The following CEP128 variants were observed in gnomAD, a reference collection of about 807,000 sequenced individuals.
CEP128 encodes the protein centrosomal protein 128, also known as centrosomal protein 128kDa.
Under a neutral mutation model 156.7 loss-of-function variants are expected in CEP128, and 132 were observed. The ratio of observed to expected loss-of-function variants is 0.84; its 90% CI spans 0.73 to 0.97. The LOEUF (loss-of-function observed/expected upper bound fraction) is 0.97. Among genes scored for constraint, CEP128 ranks in the 50% least tolerant of loss-of-function variants. The probability of loss-of-function intolerance (pLI) is 0.00; values close to 1 mark genes in which losing one functional copy is unlikely to be tolerated. For missense variants in CEP128, 1,252 were observed against 1,281.9 expected, an observed-to-expected ratio of 0.98 and a Z score of 0.36; for synonymous variants, 469 against 448.9, an observed-to-expected ratio of 1.04 and a Z score of -0.57.
intron 1 of CEP128, among the ~76,000 whole-genome samples, chr14:80,958,512 C>T (rs988904359): frequency 3.3e-5 from 5 of 151,972 alleles, no homozygotes; most frequent in South Asian, 2.1e-4. Flanking sequence ...CTGATAACCT[C>T]GGGGGCTATT....
intron 19 of CEP128, among the ~76,000 whole-genome samples, chr14:80,603,228 A>C (rs1305254355): frequency 1.3e-5 from 2 of 152,180 alleles, no homozygotes; most frequent in Non-Finnish European, 2.9e-5. Flanking sequence ...CAAATGATGA[A>C]TAGATAAACA....
intron 19 of CEP128, among the ~76,000 whole-genome samples, chr14:80,605,225 T>C (rs1892730300): frequency 6.6e-6 from 1 of 152,134 alleles, no homozygotes; most frequent in African/African-American, 2.4e-5. Context: ...TGTAGGTTGC[T>C]GCATGGTCTC....
chr14:80,694,646 G>C (rs1896828064), intron 19 of CEP128, among the ~76,000 whole-genome samples: 2 of 151,896 alleles, frequency 1.3e-5, no homozygotes, highest in South Asian at 4.2e-4. Context: ...AACTAACACA[G>C]GAACAGAAAA....
At chr14:80,671,083 T>C (rs762030452) in intron 19 of CEP128, among the ~76,000 whole-genome samples, 2 of 152,142 alleles carry the variant, frequency 1.3e-5, no homozygotes, top group Non-Finnish European at 2.9e-5. Flanking sequence ...GTACAGTCAT[T>C]TGGTGAGTCT....
chr14:80,826,938 T>C (rs1346035785), intron 13 of CEP128, among the ~76,000 whole-genome samples: 1 of 152,200 alleles, frequency 6.6e-6, no homozygotes, highest in African/African-American at 2.4e-5. Context: ...CAACTTGAGT[T>C]TACAAGAAGG....
rs2139597492 is a variant in CEP128, at chr14:80,743,124, C to A, written c.2757G>T (p.Gln919His). 6.2e-7 allele frequency: 1 copy of A among 1,613,824 alleles called. No individual in the cohort carries two copies. The highest frequency in any genetic ancestry group is 8.5e-7 in the Non-Finnish European group (1 of 1,179,838). ...KESELQCLFQQIERQEQLLDE... is the reference protein window; with the variant it reads ...KESELQCLFQHIERQEQLLDE... ...CCAGAAGCTGCTCCTGCCTTTCTAT[C>A]TGTTGAAAGAGACACTGCAACTCAG... Residue 919 changes from glutamine to histidine, a missense_variant, in exon 19 of 25, where the codon CAG (glutamine) becomes CAT (histidine). Transcript: ENST00000555265.
chr14:80,576,997 C>T (rs1465011191), intron 20 of CEP128, among the ~76,000 whole-genome samples: 1 of 152,030 alleles, frequency 6.6e-6, no homozygotes, highest in East Asian at 1.9e-4. Flanking sequence ...AAACCTAAAC[C>T]CCATAGCTAA....
intron 18 of CEP128, among the ~76,000 whole-genome samples, chr14:80,748,300 TAGGACAGAAATC>T (rs1899210539): frequency 2.0e-5 from 3 of 152,170 alleles, no homozygotes; most frequent in African/African-American, 7.2e-5. Flanking sequence ...AAAGCTTCCA[TAGGACAGAAATC>T]AGGAAACAGG....
At chr14:80,923,593 T>C (rs969849692) in intron 2 of CEP128, among the ~76,000 whole-genome samples, 2 of 152,158 alleles carry the variant, frequency 1.3e-5, no homozygotes, top group African/African-American at 4.8e-5. Flanking sequence ...GTTAAGTAGG[T>C]GATTGCTTCT....
intron 19 of CEP128, among the ~76,000 whole-genome samples, chr14:80,640,714 C>G (rs1894370328): frequency 6.6e-6 from 1 of 152,150 alleles, no homozygotes; most frequent in Non-Finnish European, 1.5e-5. Context: ...ATGAAAACGG[C>G]TCTGACAAGT....
At chr14:80,623,889 T>C (rs545043632) in intron 19 of CEP128, among the ~76,000 whole-genome samples, 5 of 152,232 alleles carry the variant, frequency 3.3e-5, no homozygotes, top group Admixed American at 1.3e-4. Context: ...GTAATTAACA[T>C]ATCCATCATC....
At chr14:80,934,700 C>T (rs1412260614) in intron 2 of CEP128, among the ~76,000 whole-genome samples, 1 of 152,170 alleles carries the variant, frequency 6.6e-6, no homozygotes, top group Non-Finnish European at 1.5e-5. Flanking sequence ...ACTACTAACG[C>T]TCCCAGTAGT....
chr14:80,826,202 A>G (rs1027345961), intron 13 of CEP128, among the ~76,000 whole-genome samples: 23 of 152,088 alleles, frequency 1.5e-4, no homozygotes, highest in African/African-American at 4.6e-4. Context: ...AAACCAGAGT[A>G]AATTTGGTTA....
rs182587487 is a variant in CEP128 at position 80,700,470 on chromosome 14, G to T, written c.2806+42605C>A. Among the ~76,000 whole-genome samples, 61 of 152,086 alleles carry T rather than the reference G, an allele frequency of 4.0e-4. 2 individuals carry two copies. The highest frequency in any genetic ancestry group is 3.8e-3 in the Admixed American group (58 of 15,262). ...GACTAAACTGCAAATAGGAAAGGGG[G>T]GATGGTAGAAAATAAACCAAAGAAT... On this transcript the variant is annotated intron_variant, in intron 19 of 24. Transcript: ENST00000555265.
At chr14:80,550,060 T>A (rs181689622) in intron 21 of CEP128, among the ~76,000 whole-genome samples, 137 of 152,320 alleles carry the variant, frequency 9.0e-4, no homozygotes, top group Admixed American at 2.0e-3. Context: ...GACTTCACAG[T>A]GTTTTTAAAA....
chr14:80,640,058 C>T (rs891943012), intron 19 of CEP128, among the ~76,000 whole-genome samples: 1 of 152,032 alleles, frequency 6.6e-6, no homozygotes, highest in Non-Finnish European at 1.5e-5. Flanking sequence ...TGGAAAAATT[C>T]TTATTATTTT....
In CEP128 at chr14:80,880,865, AAATAATAATAATAATAATAAT is replaced by A. The variant is rs375304920; in HGVS notation, c.645+14832_645+14852del. Among the ~76,000 whole-genome samples, 11 of 124,974 alleles carry A rather than the reference AAATAATAATAATAATAATAAT, an allele frequency of 8.8e-5. No homozygotes were observed. In the South Asian group the frequency reaches 1.1e-3, roughly 13 times the overall value. 82.0% of individuals were successfully genotyped at this position (124,974 alleles called of 152,430 possible). On this transcript the variant is annotated intron_variant, in intron 8 of 24. Coordinates refer to ENST00000555265, the MANE Select transcript of CEP128 (RefSeq NM_152446.5). ...GCGACAGAGCAAGACTCCATCTCAAAAATAATAATAATAATAATAATAATAATAATAATAATAATAATAATT... is the reference window on the plus strand; with the variant it reads ...GCGACAGAGCAAGACTCCATCTCAAAAATAATAATAATAATAATAATAATT...
chr14:80,661,528 G>T (rs574547721), intron 19 of CEP128, among the ~76,000 whole-genome samples: 120 of 152,240 alleles, frequency 7.9e-4, no homozygotes, highest in Non-Finnish European at 1.4e-3. Context: ...AAAAATAGTG[G>T]AAATTGTTTT....
chr14:80,811,677 A>ATG (rs71645384), intron 13 of CEP128, among the ~76,000 whole-genome samples: 3,593 of 146,432 alleles, frequency 0.025, 115 homozygotes, highest in African/African-American at 0.077. Context: ...GTACAGACAT[A>ATG]TGTGTGTGTG....
Sources: gnomAD v4.1 joint callset for allele counts (sites outside exome capture counted in the v4.1 genomes callset) on GRCh38, gnomAD v4.1.1 for gene constraint, MANE v1.5 for transcripts, NCBI Gene and HGNC (gene_info 2026-07-23, HGNC 2026-07-21) for gene names.